The following THSD4 variants were observed in gnomAD, a reference collection of about 807,000 sequenced individuals.
THSD4 encodes the protein thrombospondin type 1 domain containing 4.
Under a neutral mutation model 119.0 loss-of-function variants are expected in THSD4, and 69 were observed. The ratio of observed to expected loss-of-function variants is 0.58; its 90% CI spans 0.48 to 0.71. The LOEUF (loss-of-function observed/expected upper bound fraction) is 0.71, where lower values mean the gene tolerates loss of function less well. Among genes scored for constraint, THSD4 ranks in the 30% least tolerant of loss-of-function variants. The pLI, the probability that THSD4 is intolerant of heterozygous loss-of-function variation, is 0.00. For missense variants in THSD4, 1,393 were observed against 1,391.1 expected, an observed-to-expected ratio of 1.00 and a Z score of -0.02; for synonymous variants, 524 against 540.4, an observed-to-expected ratio of 0.97 and a Z score of 0.42.
chr15:71,111,003 T>C (rs1304901536), upstream of THSD4: 9 of 839,248 alleles, frequency 1.1e-5, no homozygotes, highest in Admixed American at 2.9e-5. Context: ...GCCTTCTCCT[T>C]CTGTCTGCAT....
Position 71,229,010 on chromosome 15 carries a change from C to T in THSD4, c.464+13611C>T, listed in dbSNP as rs563682307. On this transcript the variant is annotated intron_variant, in intron 4 of 17. Coordinates refer to ENST00000261862, the MANE Select transcript of THSD4 (RefSeq NM_024817.3). ...TTTGGGGGGAAACAATAATTTTTCC[C>T]ATTTTCCAGTAAGTCCTCACTTCAA... is the stretch of plus-strand genomic sequence containing the variant. Among the ~76,000 whole-genome samples the T allele has an allele frequency of 3.0e-4, 45 of 152,268 alleles. 1 individual carries two copies. The South Asian group carries it at 8.5e-3, about 29-fold the overall frequency.
chr15:71,698,624 A>AATATATACATGCATGTATATATTTCATGT (rs561136081), intron 8 of THSD4, among the ~76,000 whole-genome samples: 3,626 of 147,832 alleles, frequency 0.025, 77 homozygotes, highest in Non-Finnish European at 0.039. Flanking sequence ...GAACTTGTGA[A>AATATATACATGCATGTATATATTTCATGT]ATATATACAT....
chr15:71,369,331 G>A (rs1024254915), intron 6 of THSD4, among the ~76,000 whole-genome samples: 77 of 152,204 alleles, frequency 5.1e-4, no homozygotes, highest in Admixed American at 4.4e-3. Flanking sequence ...GAATAGGAGT[G>A]GTGAGAGAGG....
intron 7 of THSD4, among the ~76,000 whole-genome samples, chr15:71,540,135 C>CTTTTTTTTTT (rs35668266): frequency 1.1e-5 from 1 of 95,154 alleles, no homozygotes; most frequent in Non-Finnish European, 2.2e-5. Flanking sequence ...ATTTTATTTA[C>CTTTTTTTTTT]TTTTTTTTTT....
chr15:71,757,267 A>T (rs2245596), intron 14 of THSD4, among the ~76,000 whole-genome samples: 1 of 151,962 alleles, frequency 6.6e-6, no homozygotes, highest in African/African-American at 2.4e-5. Flanking sequence ...CATAGCTGTG[A>T]CCTTCAGAGA....
At chr15:71,650,857 G>A (rs1964663) in intron 7 of THSD4, among the ~76,000 whole-genome samples, 42,556 of 151,998 alleles carry the variant, frequency 0.28, 6,673 homozygotes, top group East Asian at 0.7. Context: ...CTGTTGGCAC[G>A]CTCTCAGGGT....
intron 8 of THSD4, among the ~76,000 whole-genome samples, chr15:71,712,690 T>G (rs1012954810): frequency 6.6e-5 from 10 of 152,192 alleles, no homozygotes; most frequent in Admixed American, 6.5e-4. Flanking sequence ...AACCCAACTA[T>G]TCCTCAACTA....
At chr15:71,115,064 T>TG (rs145330951), upstream of THSD4, 2 of 152,572 alleles carry the variant, frequency 1.3e-5, no homozygotes, top group Admixed American at 6.5e-5. This position sits in a 1 kb window ranked among gnomAD's most constrained non-coding sequence, Gnocchi z 4.4. Context: ...CCGGAATGGC[T>TG]GTTCCAAATG....
intron 3 of THSD4, among the ~76,000 whole-genome samples, chr15:71,190,326 G>A (rs1269881768): frequency 4.6e-5 from 7 of 152,196 alleles, no homozygotes; most frequent in Admixed American, 3.9e-4. Flanking sequence ...GAACCCCCTG[G>A]GGAGTGGTTC....
intron 3 of THSD4, among the ~76,000 whole-genome samples, chr15:71,158,642 T>G (rs2043224240): frequency 6.8e-6 from 1 of 147,528 alleles, no homozygotes; most frequent in Non-Finnish European, 1.5e-5. Context: ...TTAATCAGAT[T>G]GTTGAGTTGG....
intron 1 of THSD4, among the ~76,000 whole-genome samples, chr15:71,127,223 C>T (rs1042358933): frequency 6.6e-6 from 1 of 152,194 alleles, no homozygotes; most frequent in Non-Finnish European, 1.5e-5. Flanking sequence ...TAATGTCCTG[C>T]AGGTTCATCC....
intron 6 of THSD4, among the ~76,000 whole-genome samples, chr15:71,314,420 C>A (rs999319788): frequency 2.0e-5 from 3 of 152,060 alleles, no homozygotes; most frequent in Non-Finnish European, 2.9e-5. Context: ...GATTCTCCTG[C>A]CTCAGCCTCC....
intron 7 of THSD4, among the ~76,000 whole-genome samples, chr15:71,571,335 G>A (rs375376634): frequency 7.9e-5 from 12 of 152,082 alleles, no homozygotes; most frequent in South Asian, 4.2e-4. Flanking sequence ...CCGCATGCTC[G>A]TTTCCTATGC....
chr15:71,680,668 T>G (rs1392623450), intron 8 of THSD4, among the ~76,000 whole-genome samples: 2 of 152,166 alleles, frequency 1.3e-5, no homozygotes, highest in Non-Finnish European at 2.9e-5. Flanking sequence ...TCTCAAACAT[T>G]TCAGTATGAG....
chr15:71,583,754 T>A (rs1174893883), intron 7 of THSD4, among the ~76,000 whole-genome samples: 2 of 152,226 alleles, frequency 1.3e-5, no homozygotes, highest in Non-Finnish European at 2.9e-5. Context: ...TTTCATACTA[T>A]TTTGATCAGA....
intron 6 of THSD4, among the ~76,000 whole-genome samples, chr15:71,349,508 C>T (rs2045716907): frequency 1.3e-5 from 2 of 152,202 alleles, no homozygotes; most frequent in South Asian, 4.1e-4. Context: ...ACCTTTCTGT[C>T]TACGTAGCAC....
chr15:71,764,338 G>A (rs1325520563), intron 15 of THSD4, among the ~76,000 whole-genome samples: 1 of 152,250 alleles, frequency 6.6e-6, no homozygotes, highest in Non-Finnish European at 1.5e-5. Context: ...TCAGCAAACA[G>A]TTGTATGCAT....
intron 2 of THSD4, among the ~76,000 whole-genome samples, chr15:71,152,408 C>T (rs973594628): frequency 2.0e-5 from 3 of 149,710 alleles, no homozygotes; most frequent in African/African-American, 5.0e-5. Context: ...GGAGACAGAA[C>T]GAGACTCTGT....
In THSD4 at chr15:71,724,284, T is replaced by TAC. The variant is rs2052782617; in HGVS notation, c.1358-4264_1358-4263insCA. ...ATGATGGGATATATATATATATATA[T>TAC]ATATTTTTTTTTTCCCCCCAAGATG... On this transcript the variant is annotated intron_variant, in intron 8 of 17. Transcript: ENST00000261862. 1.6e-4 allele frequency among the ~76,000 whole-genome samples: 6 copies of TAC among 37,132 alleles called. 1 individual carries two copies. The highest frequency in any genetic ancestry group is 2.6e-4 in the Non-Finnish European group (4 of 15,400). 24.4% of individuals were successfully genotyped at this position (37,132 alleles called of 152,430 possible). A position where few individuals can be genotyped will look rare whatever the true frequency, so the allele number is the denominator to read the frequency against.
Sources: gnomAD v4.1 joint callset for allele counts (sites outside exome capture counted in the v4.1 genomes callset) on GRCh38, gnomAD v4.1.1 for gene constraint, Gnocchi (gnomAD v3.1) non-coding constraint, MANE v1.5 for transcripts, NCBI Gene and HGNC (gene_info 2026-07-23, HGNC 2026-07-21) for gene names.